The following ATCAY variants were observed in gnomAD, a reference collection of about 807,000 sequenced individuals.
ATCAY encodes the protein caytaxin.
Under a neutral mutation model 47.7 loss-of-function variants are expected in ATCAY, and 22 were observed. The ratio of observed to expected loss-of-function variants is 0.46; its 90% CI spans 0.33 to 0.66. The LOEUF (loss-of-function observed/expected upper bound fraction) is 0.66. Ranked by LOEUF, ATCAY falls within the 30% of genes least tolerant of loss-of-function variation. The pLI, the probability that ATCAY is intolerant of heterozygous loss-of-function variation, is 0.02. For synonymous variants in ATCAY, 216 were observed against 207.6 expected (o/e 1.04, Z -0.35); for missense variants, 452 against 515.0 (o/e 0.88, Z 1.18).
At chr19:3,913,716 T>G in intron 8 of ATCAY, 42 bp from the exon 9 acceptor site, 18 of 1,511,320 alleles carry the variant, frequency 1.2e-5, no homozygotes, top group Non-Finnish European at 1.6e-5. Flanking sequence ...CCCCACCCCA[T>G]GGGTTGCATT....
chr19:3,898,433 C>T (rs930988142), intron 2 of ATCAY, among the ~76,000 whole-genome samples: 8 of 152,200 alleles, frequency 5.3e-5, no homozygotes, highest in Non-Finnish European at 1.2e-4. Flanking sequence ...AACCCGCCCG[C>T]ATCAGCCTTT....
intron 2 of ATCAY, among the ~76,000 whole-genome samples, chr19:3,896,366 C>T (rs1199510366): frequency 5.9e-5 from 9 of 151,430 alleles, no homozygotes; most frequent in Non-Finnish European, 1.2e-4. Context: ...CTCCCGGGTT[C>T]AAGCGATTCT....
intron 9 of ATCAY, among the ~76,000 whole-genome samples, chr19:3,916,205 A>C (rs2038965134): frequency 6.6e-6 from 1 of 152,160 alleles, no homozygotes. Flanking sequence ...GTGCATCCAC[A>C]TTGTAGCCTG....
At chr19:3,895,573 G>T (rs535768235) in intron 2 of ATCAY, among the ~76,000 whole-genome samples, 2 of 152,022 alleles carry the variant, frequency 1.3e-5, no homozygotes, top group Non-Finnish European at 2.9e-5. Flanking sequence ...ACCCAGACTC[G>T]TAGCGCTGGA....
At chr19:3,903,001 TCA>T (rs1349579499) in intron 3 of ATCAY, among the ~76,000 whole-genome samples, 3 of 152,078 alleles carry the variant, frequency 2.0e-5, no homozygotes, top group African/African-American at 7.2e-5. Flanking sequence ...GGAGACCGGG[TCA>T]CACTCTGTCA....
Position 3,907,163 on chromosome 19 carries a change from A to T in ATCAY, c.359-571A>T, listed in dbSNP as rs1319105467. On this transcript the variant is annotated intron_variant, in intron 4 of 12. Transcript: ENST00000450849. This position sits in a 1 kb window ranked among gnomAD's most constrained non-coding sequence, Gnocchi z 5.1. ...AAAAAAGAAAGAAAAAAAAAAATTA[A>T]GGACAATGTAGTGGCTCATTCCTGT... Among the ~76,000 whole-genome samples the T allele has an allele frequency of 6.6e-6, 1 of 151,064 alleles. No individual in the cohort carries two copies. Among genetic ancestry groups the T allele is most frequent in the African/African-American group, 2.4e-5 (1 of 41,028 alleles).
intron 2 of ATCAY, among the ~76,000 whole-genome samples, chr19:3,886,409 G>T (rs1013931261): frequency 1.3e-5 from 2 of 152,082 alleles, no homozygotes; most frequent in East Asian, 3.9e-4. Context: ...TGGCTAACAT[G>T]GTGAAACTCC....
intron 2 of ATCAY, among the ~76,000 whole-genome samples, chr19:3,891,032 T>C (rs760973787): frequency 4.0e-5 from 6 of 150,934 alleles, no homozygotes; most frequent in Non-Finnish European, 8.8e-5. Context: ...GAGCCCTGCA[T>C]GGCCTCTGCC....
Position 3,908,195 on chromosome 19 carries a change from G to A in ATCAY, c.545-73G>A, listed in dbSNP as rs888002969. The A allele has an allele frequency of 1.9e-5, 26 of 1,333,432 alleles. 1 individual carries two copies. In the Middle Eastern group the frequency reaches 5.6e-4, roughly 29 times the overall value. The allele number at this position is 1,333,432 out of a possible 1,614,324, so 82.6% of individuals were successfully genotyped here. ...CCGAGCGTGTGGGCACCGGGACGTG[G>A]TGGGTGGTGCGCGGGAGGCAGCTCA... On this transcript the variant is annotated intron_variant, in intron 5 of 12. Transcript: ENST00000450849.
intron 2 of ATCAY, among the ~76,000 whole-genome samples, chr19:3,887,698 G>T (rs916388294): frequency 4.0e-5 from 6 of 150,514 alleles, no homozygotes; most frequent in African/African-American, 1.5e-4. Context: ...ATGTTAGCCA[G>T]GATGGTCTCG....
At chr19:3,882,499 A>AT (rs34479422) in intron 1 of ATCAY, among the ~76,000 whole-genome samples, 38,713 of 133,760 alleles carry the variant, frequency 0.29, 6,063 homozygotes, top group Admixed American at 0.38. Context: ...TAATTTTTGT[A>AT]TTTTTTTTTT....
rs2038881819 is a variant in ATCAY, at chr19:3,908,129, C to T, written c.545-139C>T. The T allele has an allele frequency of 4.0e-6, 4 of 1,012,084 alleles. No homozygotes were observed. In the South Asian group the frequency reaches 6.1e-5, roughly 16 times the overall value. 62.7% of individuals were successfully genotyped at this position (1,012,084 alleles called of 1,614,324 possible). A position where few individuals can be genotyped will look rare whatever the true frequency, so the allele number is the denominator to read the frequency against. ...ACTCCTCAGCGAAGGCAGAGACTGG[C>T]TAAGGGGTCGCCGGCTGCTGTGGCT... On this transcript the variant is annotated intron_variant, in intron 5 of 12. Transcript: ENST00000450849.
Position 3,917,741 on chromosome 19 carries a change from G to C in ATCAY, c.966-1G>C. The C allele has an allele frequency of 6.2e-7, 1 of 1,613,424 alleles. No homozygotes were observed. The highest frequency in any genetic ancestry group is 1.7e-4 in the Middle Eastern group (1 of 6,058). On this transcript the variant is annotated splice_acceptor_variant, in intron 9 of 12. Coordinates refer to ENST00000450849, the MANE Select transcript of ATCAY (RefSeq NM_033064.5). LOFTEE classifies it high-confidence loss of function. ...GTCTGACATCTTTTTCTTTCTTTCA[G>C]ATACGAAGAGGAAAGACTGAAGGCC...
chr19:3,917,709 A>C (rs2038978647), intron 9 of ATCAY, 33 bp from the exon 10 acceptor site: 64 of 1,612,822 alleles, frequency 4.0e-5, no homozygotes, highest in Non-Finnish European at 5.3e-5. Flanking sequence ...GGGGAAAGGA[A>C]GGTTGTGTCT....
rs140772342 is a variant in ATCAY, at chr19:3,884,705, G to A, written c.-41-1022G>A. Among the ~76,000 whole-genome samples, 119 of 152,076 alleles carry A rather than the reference G, an allele frequency of 7.8e-4. No homozygotes were observed. The highest frequency in any genetic ancestry group is 2.0e-3 in the African/African-American group (81 of 41,498). ...TCTGAAGGCTCAGCCTCTCGCCCAC[G>A]TTCAAACTCTGAACCCCACTGTGCA... is the stretch of plus-strand genomic sequence containing the variant. On this transcript the variant is annotated intron_variant, in intron 1 of 12. Coordinates refer to ENST00000450849, the MANE Select transcript of ATCAY (RefSeq NM_033064.5).
chr19:3,892,009 C>T (rs2038722735), intron 2 of ATCAY, among the ~76,000 whole-genome samples: 1 of 152,096 alleles, frequency 6.6e-6, no homozygotes, highest in Non-Finnish European at 1.5e-5. Context: ...CCTGCCTCAG[C>T]CTCCCAAATA....
intron 11 of ATCAY, among the ~76,000 whole-genome samples, chr19:3,919,845 G>A (rs2039001161): frequency 1.3e-5 from 2 of 152,080 alleles, no homozygotes; most frequent in African/African-American, 4.8e-5. Flanking sequence ...CCAGGTCCCA[G>A]CAGGTAGATT....
intron 9 of ATCAY, among the ~76,000 whole-genome samples, chr19:3,917,320 C>T (rs1173970501): frequency 1.3e-5 from 2 of 151,508 alleles, no homozygotes; most frequent in African/African-American, 2.4e-5. Context: ...CGCGGTGGTT[C>T]GCGCCTGTAA....
At position 3,922,363 on chromosome 19, in the gene ATCAY, A is replaced by G. The variant is rs2039028339; in HGVS notation, c.1106+1565A>G. 5.7e-5 allele frequency: 35 copies of G among 619,024 alleles called. 2 individuals carry two copies. The highest frequency in any genetic ancestry group is 8.5e-4 in the Middle Eastern group (2 of 2,358). The allele number at this position is 619,024 out of a possible 1,614,324, so 38.3% of individuals were successfully genotyped here. On this transcript the variant is annotated intron_variant, in intron 12 of 12. Transcript: ENST00000450849. ...GAAATTTATAATCCTGGCGGAAGCC[A>G]CCTCTTCACCAGGCAGCAGGAGCGA...
Sources: allele counts gnomAD v4.1 joint callset (sites outside exome capture counted in the v4.1 genomes callset), GRCh38; gene constraint gnomAD v4.1.1; non-coding constraint Gnocchi (gnomAD v3.1); transcripts MANE v1.5; gene names NCBI Gene and HGNC (gene_info 2026-07-23, HGNC 2026-07-21).